CLDN14: variants seen among roughly 807,000 people sequenced by gnomAD.
CLDN14 encodes the protein claudin-14.
In CLDN14, 2 loss-of-function variants were observed where a neutral mutation model predicts 2.1. That is an observed-to-expected ratio of 0.96 (90% CI 0.39 to 3.01). The LOEUF (loss-of-function observed/expected upper bound fraction) is 3.01. Ranked by LOEUF, CLDN14 falls within the 30% of genes most tolerant of loss-of-function variation. The pLI is 0.09. For missense variants in CLDN14, 298 were observed against 328.0 expected (o/e 0.91, Z 0.71); for synonymous variants, 136 against 154.4 (o/e 0.88, Z 0.88).
chr21:36,512,552 A>G (rs1289153397), intron 1 of CLDN14, among the ~76,000 whole-genome samples: 1 of 152,244 alleles, frequency 6.6e-6, no homozygotes, highest in Admixed American at 6.5e-5. Flanking sequence ...TCTCCGGAAT[A>G]ATATTCAGCC....
intron 1 of CLDN14, among the ~76,000 whole-genome samples, chr21:36,539,384 GGAGT>G (rs368757538): frequency 0.082 from 11,977 of 146,070 alleles, 955 homozygotes; most frequent in African/African-American, 0.22. Flanking sequence ...GAGTGTGTGT[GGAGT>G]GAGTGTGTGT....
chr21:36,520,564 T>C (rs2087262140), intron 1 of CLDN14, among the ~76,000 whole-genome samples: 1 of 152,220 alleles, frequency 6.6e-6, no homozygotes, highest in African/African-American at 2.4e-5. Flanking sequence ...GCCTTTCACC[T>C]TCTGCCATGA....
At chr21:36,497,358 GGAGC>G (rs1568859493) in intron 2 of CLDN14, among the ~76,000 whole-genome samples, 1 of 8,524 alleles carries the variant, frequency 1.2e-4, no homozygotes, top group Non-Finnish European at 3.5e-4. Flanking sequence ...AGGGAGGGAG[GGAGC>G]GAGGGAGGGA....
At chr21:36,523,916 C>T (rs1433990968) in intron 1 of CLDN14, among the ~76,000 whole-genome samples, 1 of 152,020 alleles carries the variant, frequency 6.6e-6, no homozygotes, top group East Asian at 1.9e-4. Context: ...TGCTCCAGCC[C>T]TGCCGGCTCC....
At chr21:36,563,802 G>T (rs2087654089) in intron 1 of CLDN14, among the ~76,000 whole-genome samples, 1 of 152,144 alleles carries the variant, frequency 6.6e-6, no homozygotes, top group Non-Finnish European at 1.5e-5. Context: ...GTTGGGCAAG[G>T]TCTCTGCGTG....
At chr21:36,535,397 T>A (rs371042800) in intron 1 of CLDN14, among the ~76,000 whole-genome samples, 7 of 136,412 alleles carry the variant, frequency 5.1e-5, no homozygotes, top group African/African-American at 1.5e-4. Context: ...CAAAAATAAA[T>A]ACATAAATAA....
chr21:36,552,000 C>G lies in CLDN14; in HGVS notation c.-220+24411G>C, dbSNP rs376590. Among the ~76,000 whole-genome samples the G allele has an allele frequency of 0.75, 113,718 of 152,028 alleles. 44,032 individuals carry two copies. Among genetic ancestry groups the G allele is most frequent in the Non-Finnish European group, 0.87 (59,074 of 67,996 alleles). On this transcript the variant is annotated intron_variant, in intron 1 of 2. Transcript: ENST00000342108. This position sits in a 1 kb window ranked among gnomAD's most constrained non-coding sequence, Gnocchi z 4.8. The stretch of plus-strand genomic sequence containing the variant: ...TTTCATGTGAGATTTCTACAGTTTG[C>G]TAACAGTAAAAAATGGGAGAAGTGA...
intron 1 of CLDN14, among the ~76,000 whole-genome samples, chr21:36,567,968 G>A (rs1041370381): frequency 1.3e-5 from 2 of 152,036 alleles, no homozygotes; most frequent in Admixed American, 6.6e-5. Context: ...CTTTTCTCAT[G>A]AGCTCACAGT....
intron 1 of CLDN14, among the ~76,000 whole-genome samples, chr21:36,516,499 C>G (rs1369949744): frequency 6.6e-6 from 1 of 152,232 alleles, no homozygotes; most frequent in African/African-American, 2.4e-5. Flanking sequence ...CATCTTGACA[C>G]AGCCATCTGG....
chr21:36,495,704 A>T (rs1431659823), intron 2 of CLDN14, among the ~76,000 whole-genome samples: 1 of 152,232 alleles, frequency 6.6e-6, no homozygotes, highest in Admixed American at 6.5e-5. Context: ...CCATGCACTG[A>T]GTTAGAGAGT....
intron 1 of CLDN14, among the ~76,000 whole-genome samples, chr21:36,519,884 G>A (rs2146492231): frequency 6.6e-6 from 1 of 152,310 alleles, no homozygotes; most frequent in African/African-American, 2.4e-5. Flanking sequence ...CCAGTGCAGA[G>A]TCACGGTGCC....
At chr21:36,518,773 C>A (rs1182683206) in intron 1 of CLDN14, among the ~76,000 whole-genome samples, 1 of 152,048 alleles carries the variant, frequency 6.6e-6, no homozygotes, top group Non-Finnish European at 1.5e-5. Flanking sequence ...CCCAATTTAC[C>A]CAGAACAGAG....
intron 1 of CLDN14, among the ~76,000 whole-genome samples, chr21:36,558,825 A>T (rs977889069): frequency 1.3e-5 from 2 of 151,902 alleles, no homozygotes; most frequent in Non-Finnish European, 2.9e-5. Context: ...GCAAACAGAT[A>T]ATTTTACTTC....
intron 2 of CLDN14, among the ~76,000 whole-genome samples, chr21:36,488,220 C>CCCTCCCTTCCTTCCTTCCTT (rs2086917732): frequency 5.1e-5 from 5 of 97,298 alleles, no homozygotes; most frequent in African/African-American, 1.2e-4. Context: ...ACTGTGATTC[C>CCCTCCCTTCCTTCCTTCCTT]CCTTCCTTCC....
chr21:36,493,194 C>T (rs1006162596), intron 2 of CLDN14, among the ~76,000 whole-genome samples: 6 of 152,128 alleles, frequency 3.9e-5, no homozygotes, highest in Admixed American at 6.5e-5. Flanking sequence ...TCCTGGAGAG[C>T]AGCTGTGAGG....
At chr21:36,569,338 C>G (rs1039967580) in intron 1 of CLDN14, among the ~76,000 whole-genome samples, 2 of 152,174 alleles carry the variant, frequency 1.3e-5, no homozygotes, top group African/African-American at 4.8e-5. Flanking sequence ...ATCGCTTGAA[C>G]CCGGGAGGCA....
At chr21:36,556,518 T>C (rs573548803) in intron 1 of CLDN14, among the ~76,000 whole-genome samples, 4 of 152,326 alleles carry the variant, frequency 2.6e-5, no homozygotes, top group African/African-American at 9.6e-5. Flanking sequence ...GCCTTGTGTA[T>C]GAGTTTTGGC....
chr21:36,518,932 A>G (rs1361235373), intron 1 of CLDN14, among the ~76,000 whole-genome samples: 3 of 151,990 alleles, frequency 2.0e-5, no homozygotes, highest in Admixed American at 6.6e-5. Context: ...AGTAAAACCT[A>G]TTTTTCTTTT....
At chr21:36,571,812 T>C (rs577190121) in intron 1 of CLDN14, among the ~76,000 whole-genome samples, 2 of 152,316 alleles carry the variant, frequency 1.3e-5, no homozygotes, top group Admixed American at 6.5e-5. Context: ...TGACATTTTC[T>C]TGGAAAGTCA....
Sources: allele counts gnomAD v4.1 joint callset (sites outside exome capture counted in the v4.1 genomes callset), GRCh38; gene constraint gnomAD v4.1.1; non-coding constraint Gnocchi (gnomAD v3.1); transcripts MANE v1.5; gene names NCBI Gene and HGNC (gene_info 2026-07-23, HGNC 2026-07-21).